UXS1: variants seen among roughly 807,000 people sequenced by gnomAD.
UXS1 encodes the protein UDP-glucuronate decarboxylase 1, also known as UDP-glucuronic acid decarboxylase 1.
UXS1 carries 33 observed loss-of-function variants against 62.6 expected under a neutral mutation model. The ratio of observed to expected loss-of-function variants is 0.53; its 90% CI spans 0.40 to 0.70. The LOEUF (loss-of-function observed/expected upper bound fraction) is 0.70. Ranked by LOEUF, UXS1 falls within the 30% of genes least tolerant of loss-of-function variation. UXS1 has a pLI of 0.00. For missense variants in UXS1, 434 were observed against 556.3 expected (o/e 0.78, Z 2.21); for synonymous variants, 213 against 206.8 (o/e 1.03, Z -0.26).
intron 6 of UXS1, among the ~76,000 whole-genome samples, chr2:106,137,794 T>C (rs1398755486): frequency 1.3e-5 from 2 of 151,580 alleles, no homozygotes; most frequent in Non-Finnish European, 2.9e-5. Context: ...AAACTCCGTC[T>C]CAAAAAAATA....
intron 10 of UXS1, among the ~76,000 whole-genome samples, chr2:106,106,959 G>A (rs1439885729): frequency 1.3e-5 from 2 of 152,252 alleles, no homozygotes; most frequent in South Asian, 2.1e-4. Context: ...GCCCTATTGT[G>A]TTCATAATTT....
intron 10 of UXS1, among the ~76,000 whole-genome samples, chr2:106,105,949 C>T (rs940918199): frequency 6.6e-6 from 1 of 152,172 alleles, no homozygotes; most frequent in Non-Finnish European, 1.5e-5. Flanking sequence ...CAAAAAAGAG[C>T]CCCTGCCAGC....
chr2:106,111,890 G>C (rs1380146853), intron 10 of UXS1, among the ~76,000 whole-genome samples: 2 of 152,150 alleles, frequency 1.3e-5, no homozygotes, highest in Non-Finnish European at 2.9e-5. Flanking sequence ...CAGATCAGAA[G>C]AGCAAAGCAG....
chr2:106,096,881 C>A (rs1677157066), intron 13 of UXS1, 60 bp from the exon 14 acceptor site: 1 of 1,499,102 alleles, frequency 6.7e-7, no homozygotes. Context: ...TAAGCACAGC[C>A]TTACCATCCA....
chr2:106,175,970 C>T (rs922147364), intron 1 of UXS1, among the ~76,000 whole-genome samples: 10 of 152,180 alleles, frequency 6.6e-5, no homozygotes, highest in East Asian at 1.9e-4. Context: ...GATGCTCATA[C>T]GCCCAGGTCA....
intron 1 of UXS1, among the ~76,000 whole-genome samples, chr2:106,184,625 G>C (rs1376350592): frequency 6.6e-6 from 1 of 152,136 alleles, no homozygotes; most frequent in Non-Finnish European, 1.5e-5. Flanking sequence ...TGGAAGGGAG[G>C]AATGAACTCC....
At chr2:106,109,512 A>T (rs1678402528) in intron 10 of UXS1, among the ~76,000 whole-genome samples, 1 of 152,194 alleles carries the variant, frequency 6.6e-6, no homozygotes, top group Admixed American at 6.5e-5. Flanking sequence ...ACCTGGGATA[A>T]ATCACATAAG....
intron 1 of UXS1, among the ~76,000 whole-genome samples, chr2:106,168,852 T>C (rs1245161194): frequency 6.6e-6 from 1 of 152,134 alleles, no homozygotes; most frequent in Non-Finnish European, 1.5e-5. Flanking sequence ...AAAAAGTATA[T>C]ATACAGTGTG....
intron 1 of UXS1, among the ~76,000 whole-genome samples, chr2:106,170,212 C>T (rs1380249973): frequency 6.6e-6 from 1 of 152,190 alleles, no homozygotes; most frequent in Admixed American, 6.5e-5. Context: ...ACTTGCTGTC[C>T]CCAACCCTTC....
chr2:106,186,457 T>TACACAC lies in UXS1; in HGVS notation c.94+7685_94+7690dup, dbSNP rs55995858. Among the ~76,000 whole-genome samples the TACACAC allele has an allele frequency of 9.6e-3, 1,428 of 148,772 alleles. 29 individuals carry two copies. The highest frequency in any genetic ancestry group is 0.033 in the African/African-American group (1,339 of 40,124). On this transcript the variant is annotated intron_variant, in intron 1 of 14. Transcript: ENST00000283148. ...CTCTGGGCTTTTATATATATATATATACACACACACACACACACATATACA... is the reference window on the plus strand; with the variant it reads ...CTCTGGGCTTTTATATATATATATATACACACACACACACACACACACACATATACA...
chr2:106,146,958 G>C (rs547918290), intron 5 of UXS1, among the ~76,000 whole-genome samples: 2 of 152,046 alleles, frequency 1.3e-5, no homozygotes, highest in African/African-American at 4.8e-5. Context: ...TTCAAGACTA[G>C]CCTGCGCAGC....
intron 1 of UXS1, among the ~76,000 whole-genome samples, chr2:106,177,049 T>TCCC (rs1297162209): frequency 2.6e-5 from 4 of 152,118 alleles, no homozygotes; most frequent in African/African-American, 9.7e-5. Context: ...TGGTTAAAAG[T>TCCC]ATGGGTTTTG....
chr2:106,124,860 C>T (rs1163433209), intron 8 of UXS1, among the ~76,000 whole-genome samples: 5 of 152,026 alleles, frequency 3.3e-5, no homozygotes, highest in South Asian at 2.1e-4. Flanking sequence ...ATTTGGTTTC[C>T]TTAATTAAAA....
chr2:106,103,107 A>G (rs1289123230), intron 11 of UXS1, among the ~76,000 whole-genome samples: 1 of 152,274 alleles, frequency 6.6e-6, no homozygotes, highest in South Asian at 2.1e-4. Flanking sequence ...GGCACAGGAC[A>G]GTGACCAGGC....
At chr2:106,128,545 G>A (rs1680161180) in intron 7 of UXS1, among the ~76,000 whole-genome samples, 1 of 152,180 alleles carries the variant, frequency 6.6e-6, no homozygotes, top group South Asian at 2.1e-4. Context: ...CACAAAGATG[G>A]AGGAAGGTCA....
At chr2:106,101,365 A>C (rs1214508922) in intron 11 of UXS1, 1 of 468,336 alleles carries the variant, frequency 2.1e-6, no homozygotes, top group Non-Finnish European at 3.8e-6. Flanking sequence ...GGAGATAGTT[A>C]AATAGGATGG....
intron 11 of UXS1, chr2:106,102,004 C>A (rs766567128): frequency 6.6e-6 from 1 of 152,228 alleles, no homozygotes; most frequent in Admixed American, 6.5e-5. Context: ...GCAGGTCACT[C>A]TGGGTCAGGA....
chr2:106,188,825 G>A (rs1684740525), intron 1 of UXS1, among the ~76,000 whole-genome samples: 1 of 152,236 alleles, frequency 6.6e-6, no homozygotes. Flanking sequence ...AGGCAGCCTA[G>A]AGGAAAGAGA....
intron 10 of UXS1, among the ~76,000 whole-genome samples, chr2:106,106,230 G>C (rs897881815): frequency 2.0e-5 from 3 of 152,086 alleles, no homozygotes; most frequent in African/African-American, 7.2e-5. Flanking sequence ...TGGGTGTGGT[G>C]GTGGGCGCCT....
Sources: allele counts gnomAD v4.1 joint callset (sites outside exome capture counted in the v4.1 genomes callset), GRCh38; gene constraint gnomAD v4.1.1; transcripts MANE v1.5; gene names NCBI Gene and HGNC (gene_info 2026-07-23, HGNC 2026-07-21).